CTNNA3: variants seen among roughly 807,000 people sequenced by gnomAD.
The protein encoded by CTNNA3 is catenin alpha-3.
In CTNNA3, 76 loss-of-function variants were observed where a neutral mutation model predicts 95.7. The observed-to-expected ratio is 0.79, with a 90% CI of 0.66 to 0.96. The LOEUF is 0.96. Among genes scored for constraint, CTNNA3 ranks in the 40% least tolerant of loss-of-function variants. The pLI, the probability that CTNNA3 is intolerant of heterozygous loss-of-function variation, is 0.00. For synonymous variants in CTNNA3, 431 were observed against 374.4 expected, an observed-to-expected ratio of 1.15 and a Z score of -1.74; for missense variants, 1,191 against 1,089.8, an observed-to-expected ratio of 1.09 and a Z score of -1.31.
intron 5 of CTNNA3, among the ~76,000 whole-genome samples, chr10:67,471,229 A>T (rs1847810653): frequency 1.3e-5 from 2 of 152,082 alleles, no homozygotes; most frequent in Admixed American, 6.5e-5. Flanking sequence ...TACCAATAGC[A>T]CTCACTTCCC....
rs537812620 is a variant in CTNNA3 at position 67,736,648 on chromosome 10, G to A, written c.-2+26786C>T. On this transcript the variant is annotated intron_variant, in intron 1 of 17. Coordinates refer to the CTNNA3 transcript ENST00000684154. ...TTTTTGTACTTTTTAGTAGAGATGG[G>A]GTTTCACCGTGTTAGGCAGGATGGT... Among the ~76,000 whole-genome samples, 697 of 151,664 alleles carry A rather than the reference G, an allele frequency of 4.6e-3. 3 individuals carry two copies. The highest frequency in any genetic ancestry group is 0.013 in the African/African-American group (527 of 41,356).
chr10:66,767,234 T>A (rs1839899211), intron 8 of CTNNA3, among the ~76,000 whole-genome samples: 1 of 151,938 alleles, frequency 6.6e-6, no homozygotes, highest in Admixed American at 6.6e-5. Flanking sequence ...AATCACGAGG[T>A]CAGGAGTTCG....
At chr10:66,496,628 G>A (rs1165162344) in intron 11 of CTNNA3, among the ~76,000 whole-genome samples, 1 of 152,148 alleles carries the variant, frequency 6.6e-6, no homozygotes, top group Admixed American at 6.6e-5. Flanking sequence ...TTTATTCAGT[G>A]TAAAGGATCA....
chr10:66,942,007 T>C (rs1462828602), intron 7 of CTNNA3, among the ~76,000 whole-genome samples: 2 of 152,172 alleles, frequency 1.3e-5, no homozygotes, highest in African/African-American at 4.8e-5. Flanking sequence ...TGAAGTTAAA[T>C]AAACCTGGGG....
chr10:67,738,838 A>G (rs1841318089), intron 1 of CTNNA3, among the ~76,000 whole-genome samples: 1 of 152,190 alleles, frequency 6.6e-6, no homozygotes, highest in Non-Finnish European at 1.5e-5. Context: ...AAGAAAGGGT[A>G]TCAGTGATGG....
At chr10:67,544,350 A>G (rs1166212684) in intron 3 of CTNNA3, among the ~76,000 whole-genome samples, 1 of 152,098 alleles carries the variant, frequency 6.6e-6, no homozygotes, top group Admixed American at 6.6e-5. Flanking sequence ...TGAGAAATGG[A>G]CCAAAAAAAA....
At chr10:66,247,876 T>C (rs753773552) in intron 13 of CTNNA3, among the ~76,000 whole-genome samples, 6 of 152,134 alleles carry the variant, frequency 3.9e-5, no homozygotes, top group Non-Finnish European at 8.8e-5. Flanking sequence ...GGAAAGGACA[T>C]TAATGAGCAA....
rs192114431 is a variant in CTNNA3, at chr10:67,262,104, A to G, written c.580-42234T>C. Among the ~76,000 whole-genome samples the G allele has an allele frequency of 2.4e-3, 360 of 152,256 alleles. 4 individuals carry two copies. Among genetic ancestry groups the G allele is most frequent in the African/African-American group, 8.1e-3 (337 of 41,548 alleles). On this transcript the variant is annotated intron_variant, in intron 5 of 17. Coordinates refer to ENST00000433211, the MANE Select transcript of CTNNA3 (RefSeq NM_013266.4). ...TCTCATTCAATATTTCAATGATCTG[A>G]TACTTTTTAGACTAAAAATAAATGG... is the stretch of plus-strand genomic sequence containing the variant.
intron 9 of CTNNA3, among the ~76,000 whole-genome samples, chr10:66,638,779 C>A (rs1845420087): frequency 1.1e-5 from 1 of 89,542 alleles, no homozygotes; most frequent in Non-Finnish European, 2.1e-5. Flanking sequence ...AACTATCATT[C>A]TTTTCTCTTT....
chr10:66,203,208 C>G (rs7920483), intron 13 of CTNNA3, among the ~76,000 whole-genome samples: 125,884 of 152,134 alleles, frequency 0.83, 52,213 homozygotes, highest in South Asian at 0.92. Flanking sequence ...CTTCAGAACA[C>G]AAAGGGGAAA....
chr10:67,423,732 G>C (rs140752761), intron 5 of CTNNA3, among the ~76,000 whole-genome samples: 1 of 152,238 alleles, frequency 6.6e-6, no homozygotes, highest in African/African-American at 2.4e-5. Flanking sequence ...ATAATGGAGT[G>C]TATTATTCTC....
chr10:66,040,451 C>A (rs1200464686), intron 15 of CTNNA3, among the ~76,000 whole-genome samples: 3 of 151,768 alleles, frequency 2.0e-5, no homozygotes, highest in Non-Finnish European at 2.9e-5. Flanking sequence ...ACACTATTCA[C>A]AATAGCAAAG....
chr10:67,718,775 G>C (rs1181897357), intron 1 of CTNNA3, among the ~76,000 whole-genome samples: 3 of 152,086 alleles, frequency 2.0e-5, no homozygotes, highest in African/African-American at 7.2e-5. Context: ...TTTTTTTGTT[G>C]TATCTCTGCC....
At chr10:66,756,971 C>T (rs1839385299) in intron 9 of CTNNA3, among the ~76,000 whole-genome samples, 1 of 152,116 alleles carries the variant, frequency 6.6e-6, no homozygotes, top group African/African-American at 2.4e-5. Flanking sequence ...TTTAATTTTG[C>T]TTTAAATTGA....
chr10:67,758,757 G>A (rs974681398), intron 1 of CTNNA3, among the ~76,000 whole-genome samples: 3 of 90,864 alleles, frequency 3.3e-5, no homozygotes, highest in Non-Finnish European at 4.8e-5. Context: ...TCTGCCCTTC[G>A]ACATCTGATT....
At chr10:66,770,751 G>A (rs1370712052) in intron 8 of CTNNA3, among the ~76,000 whole-genome samples, 1 of 152,076 alleles carries the variant, frequency 6.6e-6, no homozygotes, top group East Asian at 1.9e-4. Context: ...GGAATGGAAA[G>A]GGGAGAAAGT....
intron 1 of CTNNA3, among the ~76,000 whole-genome samples, chr10:67,724,139 C>A (rs988450843): frequency 3.3e-5 from 5 of 152,240 alleles, no homozygotes; most frequent in Non-Finnish European, 5.9e-5. Context: ...CAGTCCCTCA[C>A]CCCTGCTCCC....
intron 7 of CTNNA3, among the ~76,000 whole-genome samples, chr10:66,886,991 C>T (rs1354545065): frequency 6.6e-6 from 1 of 152,108 alleles, no homozygotes; most frequent in Non-Finnish European, 1.5e-5. Context: ...TTTTGATTGA[C>T]TGATTGATTT....
intron 11 of CTNNA3, among the ~76,000 whole-genome samples, chr10:66,397,433 C>G (rs2092987688): frequency 6.6e-6 from 1 of 151,734 alleles, no homozygotes; most frequent in Admixed American, 6.6e-5. Flanking sequence ...TCCTCTCTCT[C>G]TTTGCCCACC....
Sources: gnomAD v4.1 joint callset for allele counts (sites outside exome capture counted in the v4.1 genomes callset) on GRCh38, gnomAD v4.1.1 for gene constraint, MANE v1.5 for transcripts, NCBI Gene and HGNC (gene_info 2026-07-23, HGNC 2026-07-21) for gene names.